The following KCNU1 variants were observed in gnomAD, a reference collection of about 807,000 sequenced individuals.
KCNU1 encodes potassium calcium-activated channel subfamily U member 1, also known as potassium channel subfamily U member 1.
KCNU1 carries 93 observed loss-of-function variants against 126.8 expected under a neutral mutation model. That is an observed-to-expected ratio of 0.73 (90% CI 0.62 to 0.87). The LOEUF is 0.87. Ranked by LOEUF, KCNU1 falls within the 40% of genes least tolerant of loss-of-function variation. The probability of loss-of-function intolerance (pLI) is 0.00; values close to 1 mark genes in which losing one functional copy is unlikely to be tolerated. For synonymous variants in KCNU1, 523 were observed against 494.2 expected (o/e 1.06, Z -0.77); for missense variants, 1,330 against 1,367.1 (o/e 0.97, Z 0.43).
Position 36,922,561 on chromosome 8 carries a change from C to A in KCNU1, c.2668C>A (p.His890Asn). The A allele has an allele frequency of 6.2e-7, 1 of 1,613,684 alleles. No homozygotes were observed. The highest frequency in any genetic ancestry group is 8.5e-7 in the Non-Finnish European group (1 of 1,179,712). ...AGGGTCCCTCCAAGAAACAAATCTG[C>A]ATCTCAGCACTGCCTTTTCTACGGG... ...LEGSLQETNL[H>N]LSTAFSTGTV... is the part of the protein sequence containing the mutation. The change falls in exon 24 of 27, where the codon CAT (histidine) becomes AAT (asparagine). Residue 890 changes from histidine to asparagine, a missense_variant. Physicochemically the swap from His to Asn is moderately conservative, Grantham distance 68. Coordinates refer to ENST00000399881, the MANE Select transcript of KCNU1 (RefSeq NM_001031836.3).
At chr8:36,805,471 A>G (rs1803464174) in intron 4 of KCNU1, among the ~76,000 whole-genome samples, 186 bp downstream of exon 4, 1 of 152,180 alleles carries the variant, frequency 6.6e-6, no homozygotes, top group Non-Finnish European at 1.5e-5. Context: ...GAAACGCTAA[A>G]CCAGGTTAAA....
At position 36,879,211 on chromosome 8, in the gene KCNU1, GTATA is replaced by G. The variant is rs34121138; in HGVS notation, c.2009+14715_2009+14718del. 7.9e-3 allele frequency among the ~76,000 whole-genome samples: 800 copies of G among 101,756 alleles called. 7 individuals are homozygous for G. The highest frequency in any genetic ancestry group is 0.023 in the African/African-American group (671 of 28,730). 66.8% of individuals were successfully genotyped at this position (101,756 alleles called of 152,430 possible). ...TATGTATGTGTGTGTGTGTGTGTGT[GTATA>G]TATATATATATATATATATATATAC... is the stretch of plus-strand genomic sequence containing the variant. On this transcript the variant is annotated intron_variant, in intron 19 of 26. Transcript: ENST00000399881.
intron 26 of KCNU1, 52 bp downstream of exon 26, chr8:36,933,084 A>G: frequency 4.5e-6 from 5 of 1,103,890 alleles, no homozygotes; most frequent in Non-Finnish European, 6.8e-6. Flanking sequence ...CATAAGAACC[A>G]AAGCTACTTT....
intron 25 of KCNU1, among the ~76,000 whole-genome samples, chr8:36,932,208 G>A (rs891196652): frequency 1.1e-4 from 16 of 152,026 alleles, no homozygotes; most frequent in Admixed American, 2.0e-4. Context: ...TTGCATTTCC[G>A]TAGTCCCGGA....
chr8:36,922,891 C>G, intron 24 of KCNU1: 2 of 567,686 alleles, frequency 3.5e-6, no homozygotes, highest in East Asian at 7.8e-5. Context: ...GTGTCGGCCT[C>G]TCAGCTTCTA....
At chr8:36,913,410 A>G (rs1203831191) in intron 22 of KCNU1, among the ~76,000 whole-genome samples, 1 of 152,158 alleles carries the variant, frequency 6.6e-6, no homozygotes, top group Non-Finnish European at 1.5e-5. Flanking sequence ...TTGAATCATT[A>G]TGAGTATGAG....
chr8:36,840,409 A>G, intron 14 of KCNU1, 54 bp from the exon 15 acceptor site: 1 of 829,740 alleles, frequency 1.2e-6, no homozygotes, highest in Non-Finnish European at 2.0e-6. Flanking sequence ...TGTGAATTCT[A>G]ACATTCTACA....
chr8:36,916,773 C>A (rs1808128281), intron 22 of KCNU1, among the ~76,000 whole-genome samples: 1 of 152,158 alleles, frequency 6.6e-6, no homozygotes. Context: ...TTCTGGAGGT[C>A]ACTGATGGTT....
At chr8:36,924,995 C>T (rs1279851341) in intron 24 of KCNU1, among the ~76,000 whole-genome samples, 3 of 152,080 alleles carry the variant, frequency 2.0e-5, no homozygotes, top group Admixed American at 2.0e-4. Context: ...CAATCACAAG[C>T]CAGTATGAGG....
chr8:36,796,614 A>G (rs1803109673), intron 2 of KCNU1, among the ~76,000 whole-genome samples: 2 of 152,076 alleles, frequency 1.3e-5, no homozygotes, highest in South Asian at 4.1e-4. Context: ...TCTTTGCCAA[A>G]TTTTGTATTG....
At position 36,806,275 on chromosome 8, in the gene KCNU1, G is replaced by A; in HGVS notation, c.475G>A (p.Ala159Thr). ...FSFYFGLRFM[A>T]ADDKIKFWLE... ...TTCTGTTTCTATTTCATAGTTTATG[G>A]CAGCTGATGACAAGATCAAGTTCTG... The change falls in exon 5 of 27, where the codon GCA becomes ACA. Residue 159 changes from alanine (A) to threonine (T), a missense_variant. Transcript: ENST00000399881. The A allele has an allele frequency of 3.1e-6, 5 of 1,603,026 alleles. No individual in the cohort carries two copies. Among genetic ancestry groups the A allele is most frequent in the Non-Finnish European group, 4.3e-6 (5 of 1,173,010 alleles).
intron 10 of KCNU1, among the ~76,000 whole-genome samples, chr8:36,832,367 C>T (rs149272126): frequency 3.3e-4 from 50 of 152,232 alleles, no homozygotes; most frequent in African/African-American, 7.5e-4. Context: ...GCCATTTTCA[C>T]GATATTGATT....
At chr8:36,911,247 C>A in intron 22 of KCNU1, 128 bp downstream of exon 22, 2 of 648,790 alleles carry the variant, frequency 3.1e-6, no homozygotes, top group Non-Finnish European at 5.0e-6. Flanking sequence ...AGGTCCCTTC[C>A]AATCCTGAGA....
intron 12 of KCNU1, 39 bp from the exon 13 acceptor site, chr8:36,836,257 A>G (rs370652425): frequency 3.7e-5 from 48 of 1,293,672 alleles, no homozygotes; most frequent in Admixed American, 2.1e-4. Flanking sequence ...CCCTTTGGCT[A>G]TGACACATGA....
chr8:36,830,073 AT>A, intron 10 of KCNU1, among the ~76,000 whole-genome samples: 1 of 149,544 alleles, frequency 6.7e-6, no homozygotes, highest in Non-Finnish European at 1.5e-5. Context: ...AAAACAATTT[AT>A]CTTTATTTTA....
intron 12 of KCNU1, among the ~76,000 whole-genome samples, chr8:36,835,916 A>T (rs532424580): frequency 1.3e-5 from 2 of 152,204 alleles, no homozygotes; most frequent in African/African-American, 4.8e-5. Flanking sequence ...GGGGAAGTTG[A>T]ATTAGACAGT....
At chr8:36,896,927 G>C (rs924673336) in intron 19 of KCNU1, among the ~76,000 whole-genome samples, 5 of 151,932 alleles carry the variant, frequency 3.3e-5, no homozygotes, top group African/African-American at 7.3e-5. Context: ...TAAAAGCCAA[G>C]GTTGATTACC....
chr8:36,933,128 T>C, intron 26 of KCNU1, 96 bp downstream of exon 26: 1 of 763,998 alleles, frequency 1.3e-6, no homozygotes, highest in Non-Finnish European at 2.2e-6. Context: ...GAGCTCAGGG[T>C]CCACAGTTGC....
chr8:36,895,126 C>T (rs1213694446), intron 19 of KCNU1, among the ~76,000 whole-genome samples: 1 of 151,736 alleles, frequency 6.6e-6, no homozygotes, highest in African/African-American at 2.4e-5. Flanking sequence ...ACTCTGTCAC[C>T]CAGACAGAGT....
Sources: gnomAD v4.1 joint callset for allele counts (sites outside exome capture counted in the v4.1 genomes callset) on GRCh38, gnomAD v4.1.1 for gene constraint, MANE v1.5 for transcripts, NCBI Gene and HGNC (gene_info 2026-07-23, HGNC 2026-07-21) for gene names.